HTR7: variants seen among roughly 807,000 people sequenced by gnomAD.
HTR7 encodes the protein 5-HT-7.
A neutral mutation model predicts 34.0 loss-of-function variants in HTR7; 16 were observed. The ratio of observed to expected loss-of-function variants is 0.47; its 90% CI spans 0.32 to 0.71. The LOEUF is 0.71. HTR7 is among the 30% of genes least tolerant of loss of function. The pLI is 0.04. For synonymous variants in HTR7, 265 were observed against 260.2 expected (o/e 1.02, Z -0.18); for missense variants, 504 against 625.5 (o/e 0.81, Z 2.07).
intron 1 of HTR7, among the ~76,000 whole-genome samples, chr10:90,795,228 C>A (rs986830120): frequency 7.2e-5 from 11 of 152,058 alleles, no homozygotes; most frequent in African/African-American, 2.7e-4. Flanking sequence ...TTGAGAAACC[C>A]CCATACTTTT....
At chr10:90,770,582 T>C (rs1845093220) in intron 1 of HTR7, among the ~76,000 whole-genome samples, 1 of 152,162 alleles carries the variant, frequency 6.6e-6, no homozygotes, top group South Asian at 2.1e-4. Flanking sequence ...AGAGCGGGAT[T>C]GGGGCCGAGC....
intron 1 of HTR7, among the ~76,000 whole-genome samples, chr10:90,847,221 A>G (rs1183937703): frequency 6.6e-6 from 1 of 152,066 alleles, no homozygotes; most frequent in Admixed American, 6.6e-5. Flanking sequence ...CCACCTCACA[A>G]TGTTGTAGAG....
intron 1 of HTR7, among the ~76,000 whole-genome samples, chr10:90,795,331 A>G (rs1472228052): frequency 6.6e-6 from 1 of 152,234 alleles, no homozygotes; most frequent in African/African-American, 2.4e-5. Flanking sequence ...AACTATAACT[A>G]CAGCACAAAC....
At chr10:90,758,812 A>G (rs998113036) in intron 1 of HTR7, among the ~76,000 whole-genome samples, 5 of 152,094 alleles carry the variant, frequency 3.3e-5, no homozygotes, top group East Asian at 1.9e-4. Flanking sequence ...TGCAAGGTAG[A>G]AAAAAAATCA....
intron 1 of HTR7, among the ~76,000 whole-genome samples, chr10:90,758,300 G>C (rs187376551): frequency 1.7e-5 from 2 of 119,800 alleles, no homozygotes; most frequent in Non-Finnish European, 1.6e-5. Context: ...AGCAGAGATC[G>C]TGCCACTGCA....
At chr10:90,775,756 A>T (rs1486006017) in intron 1 of HTR7, among the ~76,000 whole-genome samples, 2 of 152,168 alleles carry the variant, frequency 1.3e-5, no homozygotes, top group Admixed American at 1.3e-4. Context: ...AGCTTTTCTC[A>T]GTTCAATTTT....
At chr10:90,854,269 A>C (rs952327291) in intron 1 of HTR7, among the ~76,000 whole-genome samples, 3 of 152,110 alleles carry the variant, frequency 2.0e-5, no homozygotes, top group Non-Finnish European at 4.4e-5. Context: ...CACGAGAATC[A>C]CCTGAACCCA....
rs116185061 is a variant in HTR7 at position 90,745,505 on chromosome 10, A to G, written c.1296-1815T>C. The stretch of plus-strand genomic sequence containing the variant: ...ACACAAACATTCAGGCCATAGCAAC[A>G]TATGTCTGTTTGTGTAAGGTATATC... On this transcript the variant is annotated intron_variant, in intron 2 of 3. Transcript: ENST00000336152. Among the ~76,000 whole-genome samples the G allele has an allele frequency of 2.3e-3, 355 of 152,352 alleles. 3 individuals carry two copies. The highest frequency in any genetic ancestry group is 8.3e-3 in the African/African-American group (345 of 41,592).
intron 1 of HTR7, among the ~76,000 whole-genome samples, chr10:90,766,194 G>C (rs541618237): frequency 6.6e-6 from 1 of 152,198 alleles, no homozygotes; most frequent in Admixed American, 6.5e-5. Context: ...ATATACTTAG[G>C]TGTTCCAATG....
intron 1 of HTR7, among the ~76,000 whole-genome samples, chr10:90,780,139 G>C (rs1199454219): frequency 5.9e-5 from 9 of 152,172 alleles, no homozygotes; most frequent in Admixed American, 5.9e-4. Context: ...CCAGCACATT[G>C]AGAGGCTGAG....
At chr10:90,743,888 C>T in intron 2 of HTR7, 198 bp from the exon 3 acceptor site, 1 of 698,902 alleles carries the variant, frequency 1.4e-6, no homozygotes, top group South Asian at 1.5e-5. Context: ...TCCATCTATT[C>T]ACTTCATTAC....
At chr10:90,819,480 T>C (rs1014251584) in intron 1 of HTR7, among the ~76,000 whole-genome samples, 4 of 152,100 alleles carry the variant, frequency 2.6e-5, no homozygotes, top group African/African-American at 9.6e-5. Context: ...GTTTCAAACC[T>C]TTTTTTTGAA....
chr10:90,827,317 T>C (rs1589469897), intron 1 of HTR7, among the ~76,000 whole-genome samples: 1 of 151,846 alleles, frequency 6.6e-6, no homozygotes, highest in African/African-American at 2.4e-5. Context: ...AGGCCAAGGG[T>C]GGAGGATTGC....
intron 1 of HTR7, among the ~76,000 whole-genome samples, chr10:90,820,333 G>A (rs942235964): frequency 1.3e-5 from 2 of 152,134 alleles, no homozygotes; most frequent in East Asian, 1.9e-4. Context: ...AAGTAGGGAC[G>A]AGAAAGAAGA....
At chr10:90,818,821 G>A (rs1287274074) in intron 1 of HTR7, among the ~76,000 whole-genome samples, 1 of 152,206 alleles carries the variant, frequency 6.6e-6, no homozygotes, top group Non-Finnish European at 1.5e-5. Flanking sequence ...CCTGGTGGAA[G>A]GTAACTGGAT....
intron 1 of HTR7, among the ~76,000 whole-genome samples, chr10:90,784,778 C>T (rs1033255805): frequency 6.6e-6 from 1 of 152,198 alleles, no homozygotes; most frequent in African/African-American, 2.4e-5. Context: ...TAATGATTCT[C>T]ACCTTGATCC....
intron 1 of HTR7, among the ~76,000 whole-genome samples, chr10:90,846,579 A>G (rs1846416124): frequency 6.6e-6 from 1 of 152,256 alleles, no homozygotes; most frequent in Non-Finnish European, 1.5e-5. Context: ...ATCTTGACTA[A>G]GTGGCCAGAG....
chr10:90,814,255 C>A (rs1845863310), intron 1 of HTR7, among the ~76,000 whole-genome samples: 1 of 152,190 alleles, frequency 6.6e-6, no homozygotes, highest in Non-Finnish European at 1.5e-5. Flanking sequence ...TGATGTGCTT[C>A]ATCTACAAGC....
At chr10:90,813,405 C>T (rs900813730) in intron 1 of HTR7, among the ~76,000 whole-genome samples, 4 of 152,058 alleles carry the variant, frequency 2.6e-5, no homozygotes, top group African/African-American at 9.7e-5. Context: ...GCCTGTAGTC[C>T]CAGCTACTGG....
Sources: gnomAD v4.1 joint callset for allele counts (sites outside exome capture counted in the v4.1 genomes callset) on GRCh38, gnomAD v4.1.1 for gene constraint, MANE v1.5 for transcripts, NCBI Gene and HGNC (gene_info 2026-07-23, HGNC 2026-07-21) for gene names.